GAS7: variants seen among roughly 807,000 people sequenced by gnomAD.
GAS7 encodes the protein growth arrest-specific protein 7.
GAS7 carries 28 observed loss-of-function variants against 71.1 expected under a neutral mutation model. The ratio of observed to expected loss-of-function variants is 0.39; its 90% CI spans 0.29 to 0.54. The LOEUF (loss-of-function observed/expected upper bound fraction) is 0.54. Among genes scored for constraint, GAS7 ranks in the 20% least tolerant of loss-of-function variants. GAS7 has a pLI of 0.62. For synonymous variants in GAS7, 258 were observed against 245.8 expected (o/e 1.05, Z -0.46); for missense variants, 436 against 627.8 (o/e 0.69, Z 3.27).
At chr17:10,067,955 G>T (rs1282869510) in intron 1 of GAS7, among the ~76,000 whole-genome samples, 1 of 152,192 alleles carries the variant, frequency 6.6e-6, no homozygotes, top group Non-Finnish European at 1.5e-5. Flanking sequence ...GTTTTGTAAA[G>T]AATCGGGGTG....
intron 1 of GAS7, chr17:10,039,659 G>T: frequency 2.3e-6 from 1 of 441,038 alleles, no homozygotes; most frequent in Non-Finnish European, 4.5e-6. Context: ...CTCCAACCTG[G>T]ACGTCAGAGT....
At chr17:10,038,702 T>C (rs1029598549) in intron 1 of GAS7, among the ~76,000 whole-genome samples, 3 of 150,140 alleles carry the variant, frequency 2.0e-5, no homozygotes, top group African/African-American at 7.4e-5. Flanking sequence ...GGAATTTTTT[T>C]TTTTTTTTTT....
intron 1 of GAS7, among the ~76,000 whole-genome samples, chr17:10,164,239 G>A (rs546576706): frequency 6.2e-4 from 94 of 152,034 alleles, no homozygotes; most frequent in African/African-American, 2.1e-3. Flanking sequence ...TCAAGAGATC[G>A]AGACCATCCC....
Position 10,035,224 on chromosome 17 carries a change from T to C in GAS7, c.184-15327A>G, listed in dbSNP as rs986109557. Among the ~76,000 whole-genome samples, 10 of 152,178 alleles carry C rather than the reference T, an allele frequency of 6.6e-5. No individual in the cohort carries two copies. The East Asian group carries it at 1.7e-3, about 27-fold the overall frequency. ...AGGCCTGCCAGAACTCCCTGTGCCC[T>C]ACAGTCAGACCCAAGGCAGCCACAC... On this transcript the variant is annotated intron_variant, in intron 1 of 13. Transcript: ENST00000432992.
At chr17:10,154,414 G>C (rs914410316) in intron 1 of GAS7, among the ~76,000 whole-genome samples, 4 of 152,052 alleles carry the variant, frequency 2.6e-5, no homozygotes, top group Non-Finnish European at 5.9e-5. Context: ...CAAGGTGGGA[G>C]GATTGCTTGA....
intron 1 of GAS7, among the ~76,000 whole-genome samples, chr17:10,131,557 G>T (rs930595604): frequency 2.0e-5 from 3 of 152,200 alleles, no homozygotes; most frequent in African/African-American, 4.8e-5. Context: ...GGGAGGCGGA[G>T]GTTGCAGTGA....
At chr17:9,927,999 CT>C (rs1247572522) in intron 9 of GAS7, among the ~76,000 whole-genome samples, 1 of 152,184 alleles carries the variant, frequency 6.6e-6, no homozygotes, top group Non-Finnish European at 1.5e-5. Flanking sequence ...GGGTTTTAAG[CT>C]TTTTTCTTCT....
chr17:9,994,858 A>G (rs991868445), intron 2 of GAS7, among the ~76,000 whole-genome samples: 60 of 152,234 alleles, frequency 3.9e-4, no homozygotes, highest in African/African-American at 1.4e-3. Context: ...ACCCCTTCCC[A>G]AAGTCTTATC....
chr17:10,044,529 T>C (rs112748387), intron 1 of GAS7, among the ~76,000 whole-genome samples: 1 of 152,256 alleles, frequency 6.6e-6, no homozygotes, highest in African/African-American at 2.4e-5. Flanking sequence ...TGTAGATTTG[T>C]ATGTATTTTG....
intron 4 of GAS7, among the ~76,000 whole-genome samples, chr17:9,967,703 C>T (rs1032775066): frequency 6.6e-6 from 1 of 152,004 alleles, no homozygotes; most frequent in Non-Finnish European, 1.5e-5. Context: ...TGCATAGTAT[C>T]ACTGGCTAAC....
chr17:9,995,408 G>A (rs2071001783), intron 2 of GAS7, among the ~76,000 whole-genome samples: 2 of 152,060 alleles, frequency 1.3e-5, no homozygotes, highest in Non-Finnish European at 2.9e-5. Flanking sequence ...CAAGAAGGGG[G>A]CCAGGGAGAC....
rs201421194 is a variant in GAS7, at chr17:10,120,720, AAAC to A, written c.183+77485_183+77487del. On this transcript the variant is annotated intron_variant, in intron 1 of 13. Transcript: ENST00000432992. ...AGAGTGAGACTTTGTCTCAAAAACA[AAAC>A]AACAACAACAACAAAAAAGCACAGC... Among the ~76,000 whole-genome samples the A allele has an allele frequency of 1.9e-3, 295 of 152,230 alleles. 7 individuals carry two copies. The South Asian group carries it at 0.02, about 10-fold the overall frequency.
Position 9,915,116 on chromosome 17 carries a change from G to A in GAS7, c.*2112C>T. The A allele has an allele frequency of 4.3e-6, 1 of 231,654 alleles. No individual in the cohort carries two copies. The highest frequency in any genetic ancestry group is 8.5e-6 in the Non-Finnish European group (1 of 117,098). The allele number at this position is 231,654 out of a possible 1,614,324, so 14.3% of individuals were successfully genotyped here. Reference sequence around the variant, plus strand: ...GTGAGGGGATGAGGGGGGAAAGAGTGACCTCCAAAAATGGACTGGCCCAAA... The same window carrying A: ...GTGAGGGGATGAGGGGGGAAAGAGTAACCTCCAAAAATGGACTGGCCCAAA... On this transcript the variant is annotated 3_prime_UTR_variant, in exon 14 of 14. Coordinates refer to ENST00000432992, the MANE Select transcript of GAS7 (RefSeq NM_201433.2).
intron 1 of GAS7, among the ~76,000 whole-genome samples, chr17:10,080,331 G>GC (rs1169374092): frequency 6.6e-6 from 1 of 152,116 alleles, no homozygotes; most frequent in Admixed American, 6.5e-5. Flanking sequence ...TCCAGGAACT[G>GC]CCCCCTGCCC....
intron 1 of GAS7, among the ~76,000 whole-genome samples, chr17:10,046,644 G>A (rs535817886): frequency 6.3e-5 from 9 of 143,186 alleles, no homozygotes; most frequent in African/African-American, 2.4e-4. Context: ...TCTGAGGCAG[G>A]AGAATTGCTT....
At chr17:10,154,951 C>T (rs1420277642) in intron 1 of GAS7, among the ~76,000 whole-genome samples, 1 of 137,666 alleles carries the variant, frequency 7.3e-6, no homozygotes, top group Non-Finnish European at 1.6e-5. Flanking sequence ...CACACACACA[C>T]ACACAAAACC....
At chr17:10,012,747 C>T (rs912254821) in intron 2 of GAS7, among the ~76,000 whole-genome samples, 3 of 152,138 alleles carry the variant, frequency 2.0e-5, no homozygotes, top group African/African-American at 4.8e-5. Flanking sequence ...TATGAAGCGG[C>T]GGCACTTTTA....
At position 10,031,402 on chromosome 17, in the gene GAS7, C is replaced by A. The variant is rs749970915; in HGVS notation, c.184-11505G>T. 5.8e-4 allele frequency among the ~76,000 whole-genome samples: 88 copies of A among 152,194 alleles called. 1 individual carries two copies. The highest frequency in any genetic ancestry group is 1.3e-4 in the Non-Finnish European group (9 of 68,038). On this transcript the variant is annotated intron_variant, in intron 1 of 13. Transcript: ENST00000432992. ...CCATCAACCCTCACAGGGAAACTTGCCAAGCTGGAAATATGGAGTCTCCGG... is the reference window on the plus strand; with the variant it reads ...CCATCAACCCTCACAGGGAAACTTGACAAGCTGGAAATATGGAGTCTCCGG...
intron 4 of GAS7, among the ~76,000 whole-genome samples, chr17:9,967,172 CT>C (rs34002748): frequency 2.2e-3 from 322 of 146,138 alleles, no homozygotes; most frequent in African/African-American, 5.0e-3. Context: ...TACTTTGTAG[CT>C]TTTTTTTTTT....
Sources: gnomAD v4.1 joint callset for allele counts (sites outside exome capture counted in the v4.1 genomes callset) on GRCh38, gnomAD v4.1.1 for gene constraint, MANE v1.5 for transcripts, NCBI Gene and HGNC (gene_info 2026-07-23, HGNC 2026-07-21) for gene names.